NRG3: variants seen among roughly 807,000 people sequenced by gnomAD.
NRG3 encodes the protein neuregulin 3.
In NRG3, 31 loss-of-function variants were observed where a neutral mutation model predicts 66.9. The observed-to-expected ratio is 0.46, with a 90% CI of 0.35 to 0.63. The LOEUF (loss-of-function observed/expected upper bound fraction) is 0.63. Among genes scored for constraint, NRG3 ranks in the 20% least tolerant of loss-of-function variants. The probability of loss-of-function intolerance (pLI) is 0.00; values close to 1 mark genes in which losing one functional copy is unlikely to be tolerated. For synonymous variants in NRG3, 393 were observed against 359.4 expected, an observed-to-expected ratio of 1.09 and a Z score of -1.06; for missense variants, 910 against 878.9, an observed-to-expected ratio of 1.04 and a Z score of -0.45.
chr10:82,371,457 A>C (rs140582499), intron 2 of NRG3, among the ~76,000 whole-genome samples: 3 of 152,312 alleles, frequency 2.0e-5, no homozygotes, highest in Non-Finnish European at 4.4e-5. Flanking sequence ...AATGTTTATT[A>C]AGCATTTTCA....
At chr10:82,945,093 T>C (rs1052658783) in intron 4 of NRG3, among the ~76,000 whole-genome samples, 6 of 152,164 alleles carry the variant, frequency 3.9e-5, no homozygotes, top group African/African-American at 1.4e-4. Context: ...AGTCACGGTA[T>C]GAAGAATTTT....
chr10:81,903,217 T>A (rs1174792164), intron 1 of NRG3, among the ~76,000 whole-genome samples: 6 of 152,150 alleles, frequency 3.9e-5, no homozygotes, highest in Non-Finnish European at 7.4e-5. Context: ...TTTTAAAAAA[T>A]TTTTTAGAGA....
At chr10:82,239,446 G>A (rs892708848) in intron 1 of NRG3, among the ~76,000 whole-genome samples, 5 of 152,046 alleles carry the variant, frequency 3.3e-5, no homozygotes, top group African/African-American at 7.2e-5. Context: ...ATGAGCCACC[G>A]CACCTGGCCA....
At chr10:81,891,117 C>G (rs1430643328) in intron 1 of NRG3, among the ~76,000 whole-genome samples, 4 of 152,150 alleles carry the variant, frequency 2.6e-5, no homozygotes, top group Non-Finnish European at 2.9e-5. Context: ...CTTCAATTAT[C>G]AGTAACGTGC....
chr10:81,995,586 G>T (rs776902322), intron 1 of NRG3, among the ~76,000 whole-genome samples: 4 of 152,204 alleles, frequency 2.6e-5, no homozygotes, highest in Non-Finnish European at 5.9e-5. Flanking sequence ...GATGGAAAAG[G>T]CTCCCTTGAT....
chr10:81,881,869 G>A (rs1055861271), intron 1 of NRG3, among the ~76,000 whole-genome samples: 1 of 151,438 alleles, frequency 6.6e-6, no homozygotes, highest in East Asian at 1.9e-4. Flanking sequence ...AGACACTAGC[G>A]AAGGAATCCG....
intron 1 of NRG3, among the ~76,000 whole-genome samples, chr10:81,923,947 C>G (rs185128988): frequency 2.6e-3 from 395 of 152,238 alleles, no homozygotes; most frequent in South Asian, 4.1e-3. Context: ...GTGCCTTAGG[C>G]CAGCAGTCTT....
At chr10:82,477,296 T>C (rs887108152) in intron 2 of NRG3, among the ~76,000 whole-genome samples, 2 of 151,692 alleles carry the variant, frequency 1.3e-5, no homozygotes, top group African/African-American at 2.4e-5. Flanking sequence ...ACGAGCAGAG[T>C]TGGGTTCCAG....
intron 1 of NRG3, among the ~76,000 whole-genome samples, chr10:82,208,387 A>G (rs559221444): frequency 6.6e-6 from 1 of 152,282 alleles, no homozygotes; most frequent in African/African-American, 2.4e-5. Flanking sequence ...GCAAGATTAT[A>G]ATAATAATTC....
intron 1 of NRG3, among the ~76,000 whole-genome samples, chr10:82,100,169 T>A (rs1379129246): frequency 6.6e-6 from 1 of 152,058 alleles, no homozygotes; most frequent in African/African-American, 2.4e-5. Context: ...ATAGTAAATG[T>A]TGCTTATCTT....
At chr10:82,886,294 T>A (rs556485664) in intron 4 of NRG3, among the ~76,000 whole-genome samples, 17 of 152,244 alleles carry the variant, frequency 1.1e-4, no homozygotes, top group Non-Finnish European at 1.9e-4. Context: ...TTTCCCTTAC[T>A]CATTTATCTT....
At chr10:82,004,529 G>A (rs1158078081) in intron 1 of NRG3, among the ~76,000 whole-genome samples, 1 of 152,132 alleles carries the variant, frequency 6.6e-6, no homozygotes, top group East Asian at 1.9e-4. Context: ...CCATGTTTCT[G>A]CAGGTATGTG....
At chr10:82,900,695 T>A (rs1844134785) in intron 4 of NRG3, among the ~76,000 whole-genome samples, 3 of 152,168 alleles carry the variant, frequency 2.0e-5, no homozygotes, top group Admixed American at 2.0e-4. Context: ...GATCCCCATT[T>A]TACAAATGAA....
chr10:82,515,886 A>T (rs1229114666), intron 2 of NRG3, among the ~76,000 whole-genome samples: 1 of 152,110 alleles, frequency 6.6e-6, no homozygotes, highest in Non-Finnish European at 1.5e-5. Context: ...ATGTTTTTTA[A>T]TCCTCTCTTA....
intron 1 of NRG3, among the ~76,000 whole-genome samples, chr10:82,018,318 T>C (rs1269395896): frequency 6.6e-6 from 1 of 152,190 alleles, no homozygotes; most frequent in Non-Finnish European, 1.5e-5. Flanking sequence ...ACCAGTACCA[T>C]GCTGTTTTGG....
At chr10:82,002,114 A>T (rs2133687872) in intron 1 of NRG3, among the ~76,000 whole-genome samples, 1 of 152,308 alleles carries the variant, frequency 6.6e-6, no homozygotes, top group East Asian at 1.9e-4. Context: ...AGGACCAAAC[A>T]TCCCTAATTG....
At chr10:82,722,942 T>C (rs2057392590) in intron 2 of NRG3, among the ~76,000 whole-genome samples, 1 of 152,076 alleles carries the variant, frequency 6.6e-6, no homozygotes, top group Non-Finnish European at 1.5e-5. Flanking sequence ...AAACTACTGT[T>C]CAACCCACCC....
At chr10:81,916,661 T>G (rs906704753) in intron 1 of NRG3, among the ~76,000 whole-genome samples, 1 of 152,018 alleles carries the variant, frequency 6.6e-6, no homozygotes, top group Non-Finnish European at 1.5e-5. Flanking sequence ...ACTGAAAAAA[T>G]ACATAGTGAA....
chr10:82,519,406 G>T (rs1565018700), intron 2 of NRG3, among the ~76,000 whole-genome samples: 1 of 152,174 alleles, frequency 6.6e-6, no homozygotes, highest in South Asian at 2.1e-4. Context: ...GAATATAGCA[G>T]ATTGTTCTGA....
Sources: gnomAD v4.1 joint callset for allele counts (sites outside exome capture counted in the v4.1 genomes callset) on GRCh38, gnomAD v4.1.1 for gene constraint, MANE v1.5 for transcripts, NCBI Gene and HGNC (gene_info 2026-07-23, HGNC 2026-07-21) for gene names.